The following GULP1 variants were observed in gnomAD, a reference collection of about 807,000 sequenced individuals.
GULP1 encodes the protein PTB domain-containing engulfment adapter protein 1.
Under a neutral mutation model 40.9 loss-of-function variants are expected in GULP1, and 19 were observed. That is an observed-to-expected ratio of 0.46 (90% CI 0.32 to 0.68). GULP1 has a LOEUF of 0.68. GULP1 is among the 30% of genes least tolerant of loss of function. The probability of loss-of-function intolerance (pLI) is 0.03; values close to 1 mark genes in which losing one functional copy is unlikely to be tolerated. For synonymous variants in GULP1, 119 were observed against 117.6 expected (o/e 1.01, Z -0.08); for missense variants, 312 against 362.2 (o/e 0.86, Z 1.12).
chr2:188,468,531 A>C (rs1044157399), intron 2 of GULP1, among the ~76,000 whole-genome samples: 1 of 152,232 alleles, frequency 6.6e-6, no homozygotes, highest in African/African-American at 2.4e-5. Flanking sequence ...AGAAGCAAAG[A>C]TAACACCATT....
intron 1 of GULP1, among the ~76,000 whole-genome samples, chr2:188,359,584 A>T (rs796805109): frequency 7.9e-5 from 12 of 152,250 alleles, no homozygotes; most frequent in African/African-American, 2.6e-4. Context: ...AGTTAGTCTC[A>T]TGGGAAAATT....
chr2:188,519,439 G>C (rs557729977), intron 4 of GULP1, among the ~76,000 whole-genome samples: 2 of 152,156 alleles, frequency 1.3e-5, no homozygotes, highest in South Asian at 4.2e-4. Context: ...GTCTATTACT[G>C]ATAGACCAGA....
intron 1 of GULP1, among the ~76,000 whole-genome samples, chr2:188,299,044 CTAAGA>C (rs1485337307): frequency 5.3e-5 from 8 of 152,164 alleles, no homozygotes; most frequent in Non-Finnish European, 1.2e-4. Flanking sequence ...ACCGCACAGT[CTAAGA>C]TAATTCCAAC....
At chr2:188,386,098 G>C (rs530610352) in intron 2 of GULP1, among the ~76,000 whole-genome samples, 1 of 152,096 alleles carries the variant, frequency 6.6e-6, no homozygotes, top group Non-Finnish European at 1.5e-5. Context: ...TGCTGATGAC[G>C]ACATACCCAA....
At chr2:188,481,498 G>T (rs2061444623) in intron 3 of GULP1, among the ~76,000 whole-genome samples, 1 of 151,968 alleles carries the variant, frequency 6.6e-6, no homozygotes, top group African/African-American at 2.4e-5. Context: ...TGTCATTGTA[G>T]GAGCTACAGC....
At chr2:188,573,518 A>T (rs1295748073) in intron 9 of GULP1, among the ~76,000 whole-genome samples, 1 of 152,212 alleles carries the variant, frequency 6.6e-6, no homozygotes, top group Non-Finnish European at 1.5e-5. Context: ...GTTCTTTCTT[A>T]TGAAATTTGA....
At chr2:188,572,446 T>G (rs1469041948) in intron 9 of GULP1, among the ~76,000 whole-genome samples, 1 of 152,280 alleles carries the variant, frequency 6.6e-6, no homozygotes, top group East Asian at 1.9e-4. Context: ...AACTAAGAGG[T>G]TGAATTTAAA....
intron 4 of GULP1, among the ~76,000 whole-genome samples, chr2:188,510,811 A>G (rs921582648): frequency 1.5e-5 from 2 of 133,732 alleles, no homozygotes; most frequent in African/African-American, 6.3e-5. Flanking sequence ...CAGTTTGAGG[A>G]AAAAAAAAAA....
chr2:188,547,115 T>C (rs1336339664), intron 7 of GULP1, among the ~76,000 whole-genome samples: 1 of 149,184 alleles, frequency 6.7e-6, no homozygotes. Flanking sequence ...TTCTATAAAA[T>C]GTTTAAACAG....
intron 9 of GULP1, among the ~76,000 whole-genome samples, chr2:188,575,458 T>TA (rs1699984455): frequency 1.3e-5 from 2 of 152,122 alleles, no homozygotes; most frequent in African/African-American, 4.8e-5. Flanking sequence ...TAAATACATG[T>TA]AAAAATGTAG....
intron 7 of GULP1, among the ~76,000 whole-genome samples, chr2:188,555,741 AT>A (rs201170284): frequency 0.012 from 1,814 of 152,190 alleles, 14 homozygotes; most frequent in East Asian, 0.02. Context: ...GTAAGTGGAT[AT>A]TTATATCTCC....
intron 7 of GULP1, among the ~76,000 whole-genome samples, chr2:188,557,590 TG>T (rs1695107315): frequency 6.6e-6 from 1 of 152,240 alleles, no homozygotes; most frequent in South Asian, 2.1e-4. Flanking sequence ...TCAGCCCTAA[TG>T]GCTACTCTCA....
intron 2 of GULP1, among the ~76,000 whole-genome samples, chr2:188,401,998 G>A (rs981024397): frequency 6.6e-6 from 1 of 151,998 alleles, no homozygotes; most frequent in African/African-American, 2.4e-5. Context: ...ACATATCCAC[G>A]GGTTGTGCCA....
intron 1 of GULP1, among the ~76,000 whole-genome samples, chr2:188,364,531 G>A (rs2046491556): frequency 6.6e-6 from 1 of 152,050 alleles, no homozygotes. Context: ...AGCAGCTATG[G>A]AGCATTATCA....
chr2:188,293,791 G>C (rs2034325980), intron 1 of GULP1: 1 of 152,340 alleles, frequency 6.6e-6, no homozygotes, highest in Non-Finnish European at 1.5e-5. Context: ...AGGAAAAAAA[G>C]AGAGGAACCT....
chr2:188,378,031 T>C (rs907659557), intron 1 of GULP1, among the ~76,000 whole-genome samples: 3 of 152,164 alleles, frequency 2.0e-5, no homozygotes, highest in African/African-American at 7.2e-5. Context: ...AAGCAGTGAT[T>C]TATATAACAG....
intron 2 of GULP1, among the ~76,000 whole-genome samples, chr2:188,405,657 C>T (rs773863810): frequency 3.3e-5 from 5 of 152,302 alleles, no homozygotes; most frequent in African/African-American, 9.6e-5. Context: ...TGGATCCAGG[C>T]CCCAAGCTTA....
At position 188,470,800 on chromosome 2, in the gene GULP1, G is replaced by T. The variant is rs543623625; in HGVS notation, c.-44-6859G>T. Reference sequence around the variant, plus strand: ...ATGCTAGATATTATTTCAGTTTTTTGAATATTTTAAACTGTTTTGTGATCT... The same window carrying T: ...ATGCTAGATATTATTTCAGTTTTTTTAATATTTTAAACTGTTTTGTGATCT... On this transcript the variant is annotated intron_variant, in intron 2 of 11. Transcript: ENST00000409830. 2.7e-4 allele frequency among the ~76,000 whole-genome samples: 41 copies of T among 152,122 alleles called. No individual in the cohort carries two copies. In the South Asian group the frequency reaches 5.0e-3, roughly 18 times the overall value.
intron 2 of GULP1, among the ~76,000 whole-genome samples, chr2:188,463,276 T>G (rs1468015790): frequency 6.6e-6 from 1 of 152,182 alleles, no homozygotes; most frequent in African/African-American, 2.4e-5. Context: ...GAAAGATATT[T>G]TTGCCATATA....
Sources: allele counts gnomAD v4.1 joint callset (sites outside exome capture counted in the v4.1 genomes callset), GRCh38; gene constraint gnomAD v4.1.1; transcripts MANE v1.5; gene names NCBI Gene and HGNC (gene_info 2026-07-23, HGNC 2026-07-21).